ZFHX3: variants seen among roughly 807,000 people sequenced by gnomAD.
The protein encoded by ZFHX3 is zinc finger homeobox 3.
ZFHX3 carries 42 observed loss-of-function variants against 279.1 expected under a neutral mutation model. That is an observed-to-expected ratio of 0.15 (90% CI 0.12 to 0.19). The LOEUF (loss-of-function observed/expected upper bound fraction) is 0.19, where lower values mean the gene tolerates loss of function less well. Among genes scored for constraint, ZFHX3 ranks in the 10% least tolerant of loss-of-function variants. The pLI, the probability that ZFHX3 is intolerant of heterozygous loss-of-function variation, is 1.00. For synonymous variants in ZFHX3, 2,293 were observed against 1,957.8 expected, an observed-to-expected ratio of 1.17 and a Z score of -4.52; for missense variants, 4,981 against 4,754.0, an observed-to-expected ratio of 1.05 and a Z score of -1.40.
At chr16:73,054,442 ATTT>A (rs34141418) in intron 1 of ZFHX3, among the ~76,000 whole-genome samples, 16 of 91,932 alleles carry the variant, frequency 1.7e-4, no homozygotes, top group African/African-American at 4.4e-4. Context: ...AACCAGGAGG[ATTT>A]TTTTTTTTTT....
At chr16:72,857,323 A>G (rs2037776983) in intron 4 of ZFHX3, among the ~76,000 whole-genome samples, 1 of 152,206 alleles carries the variant, frequency 6.6e-6, no homozygotes, top group African/African-American at 2.4e-5. Context: ...GTTTTCATAG[A>G]GGACCAGCCC....
In ZFHX3 at chr16:72,811,935, T is replaced by C. The variant is rs2143594701; in HGVS notation, c.3633A>G (p.Pro1211=). 6.2e-7 allele frequency: 1 copy of C among 1,614,140 alleles called. No homozygotes were observed. The highest frequency in any genetic ancestry group is 8.5e-7 in the Non-Finnish European group (1 of 1,180,030). The change falls in exon 6 of 10, where the codon CCA becomes CCG. Residue 1211 remains proline (P), a synonymous_variant. Coordinates refer to ENST00000268489, the MANE Select transcript of ZFHX3 (RefSeq NM_006885.4). ...SSESPLSSKR[P]KTAEEIKPEQ... ...CCGGTTTGATCTCCTCAGCTGTTTT[T>C]GGTCGCTTCGAAGAGAGGGGAGACT...
intron 4 of ZFHX3, among the ~76,000 whole-genome samples, chr16:72,862,015 A>G (rs2037903276): frequency 6.6e-6 from 1 of 152,162 alleles, no homozygotes; most frequent in South Asian, 2.1e-4. Context: ...ACTCCATCTC[A>G]AAATAAAAAG....
In ZFHX3 at chr16:72,794,414, C is replaced by G. The variant is rs1322890075; in HGVS notation, c.8268G>C (p.Gly2756=). 2 of 1,611,676 alleles carry G rather than the reference C, an allele frequency of 1.2e-6. No homozygotes were observed. The highest frequency in any genetic ancestry group is 1.7e-6 in the Non-Finnish European group (2 of 1,178,634). ...TLSAMLLDCD[G]GLQMKGDIFD... is the part of the protein sequence containing the mutation. ...AAATATCTCCTTTCATCTGGAGTCCCCCATCACAGTCTAAGAGCATCGCAG... is the reference window on the plus strand; with the variant it reads ...AAATATCTCCTTTCATCTGGAGTCCGCCATCACAGTCTAAGAGCATCGCAG... The change falls in exon 9 of 10, where the codon GGG becomes GGC. Residue 2756 remains glycine, a synonymous_variant. Coordinates refer to ENST00000268489, the MANE Select transcript of ZFHX3 (RefSeq NM_006885.4). The surrounding 1 kb of genome is among the most constrained non-coding windows in gnomAD (Gnocchi z 4.2).
intron 5 of ZFHX3, among the ~76,000 whole-genome samples, chr16:72,826,906 T>G (rs2036946675): frequency 6.6e-6 from 1 of 152,196 alleles, no homozygotes; most frequent in Non-Finnish European, 1.5e-5. Context: ...GCCTAGCATG[T>G]CCACTAGTGC....
intron 5 of ZFHX3, among the ~76,000 whole-genome samples, chr16:73,174,863 C>CAAAAAAAAAAA (rs34447211): frequency 2.2e-4 from 19 of 86,812 alleles, no homozygotes; most frequent in African/African-American, 7.0e-4. Context: ...ACTAAAAATA[C>CAAAAAAAAAAA]AAAAAAAAAA....
intron 3 of ZFHX3, among the ~76,000 whole-genome samples, chr16:72,940,998 C>T (rs558385869): frequency 2.6e-5 from 4 of 152,352 alleles, no homozygotes; most frequent in East Asian, 1.9e-4. Context: ...GCAATGCTCA[C>T]GTGCTGTGAA....
intron 2 of ZFHX3, among the ~76,000 whole-genome samples, chr16:73,541,082 C>G (rs2020001975): frequency 6.6e-6 from 1 of 152,180 alleles, no homozygotes. Context: ...GACCCAGAGC[C>G]TCATTCTCCA....
intron 2 of ZFHX3, among the ~76,000 whole-genome samples, chr16:73,572,311 A>G (rs1276401112): frequency 1.3e-5 from 2 of 152,044 alleles, no homozygotes; most frequent in Non-Finnish European, 2.9e-5. Flanking sequence ...CCAGTTCTTG[A>G]AGAGTCACGG....
intron 8 of ZFHX3, among the ~76,000 whole-genome samples, chr16:73,079,162 C>G (rs1443577228): frequency 6.6e-6 from 1 of 152,100 alleles, no homozygotes. Context: ...CTTTCACTTA[C>G]TTGTCTCTCC....
chr16:73,257,075 A>G (rs1370870700), exon 5 of ZFHX3: 1 of 152,208 alleles, frequency 6.6e-6, no homozygotes, highest in African/African-American at 2.4e-5. Flanking sequence ...GAAGATGAAG[A>G]TAGCAAGGAC....
chr16:72,981,861 C>G (rs547039273), intron 1 of ZFHX3, among the ~76,000 whole-genome samples: 1 of 149,866 alleles, frequency 6.7e-6, no homozygotes, highest in South Asian at 2.1e-4. Context: ...ATGCACACAG[C>G]GTTTTACACA....
intron 4 of ZFHX3, among the ~76,000 whole-genome samples, chr16:73,269,999 C>G (rs896935896): frequency 1.1e-4 from 16 of 152,216 alleles, no homozygotes; most frequent in African/African-American, 3.9e-4. Flanking sequence ...CCACTCACCT[C>G]GGGCTTCCAA....
At chr16:73,648,076 C>T (rs892391651) in intron 2 of ZFHX3, among the ~76,000 whole-genome samples, 1 of 152,160 alleles carries the variant, frequency 6.6e-6, no homozygotes, top group Admixed American at 6.5e-5. Context: ...TCTGGAGGAT[C>T]ATTTGGCAAT....
chr16:73,810,223 T>C (rs956780962), intron 1 of ZFHX3, among the ~76,000 whole-genome samples: 3 of 152,202 alleles, frequency 2.0e-5, no homozygotes, highest in African/African-American at 7.2e-5. Flanking sequence ...AGCCTAGCCC[T>C]GCAAAACTGA....
intron 3 of ZFHX3, among the ~76,000 whole-genome samples, chr16:73,385,026 C>A (rs965383345): frequency 6.6e-6 from 1 of 152,092 alleles, no homozygotes; most frequent in Non-Finnish European, 1.5e-5. Context: ...AGTGAGACAA[C>A]ATAGAATCTG....
At chr16:72,870,343 G>C (rs1021479713) in intron 4 of ZFHX3, among the ~76,000 whole-genome samples, 1 of 151,648 alleles carries the variant, frequency 6.6e-6, no homozygotes, top group Admixed American at 6.6e-5. Flanking sequence ...AGTGAGCCAA[G>C]ATCTCGCCAT....
intron 1 of ZFHX3, among the ~76,000 whole-genome samples, chr16:73,037,506 C>T (rs1964954004): frequency 6.6e-6 from 1 of 152,112 alleles, no homozygotes; most frequent in South Asian, 2.1e-4. Context: ...AGTCAAGAGG[C>T]AACAGGAAAA....
At chr16:73,012,375 G>T (rs1376506521) in intron 1 of ZFHX3, among the ~76,000 whole-genome samples, 1 of 151,856 alleles carries the variant, frequency 6.6e-6, no homozygotes, top group African/African-American at 2.4e-5. Flanking sequence ...TCCTTGGCTG[G>T]CCTCTGATAG....
Sources: allele counts gnomAD v4.1 joint callset (sites outside exome capture counted in the v4.1 genomes callset), GRCh38; gene constraint gnomAD v4.1.1; non-coding constraint Gnocchi (gnomAD v3.1); transcripts MANE v1.5; gene names NCBI Gene and HGNC (gene_info 2026-07-23, HGNC 2026-07-21).